Variants in TCF7L2 observed in about 807,000 individuals in gnomAD.
The protein encoded by TCF7L2 is transcription factor 7-like 2.
TCF7L2 carries 23 observed loss-of-function variants against 77.9 expected under a neutral mutation model. That is an observed-to-expected ratio of 0.30 (90% CI 0.21 to 0.42). TCF7L2 has a LOEUF of 0.42. Ranked by LOEUF, TCF7L2 falls within the 10% of genes least tolerant of loss-of-function variation. The probability of loss-of-function intolerance (pLI) is 1.00; values close to 1 mark genes in which losing one functional copy is unlikely to be tolerated. For missense variants in TCF7L2, 654 were observed against 793.1 expected, an observed-to-expected ratio of 0.82 and a Z score of 2.11; for synonymous variants, 413 against 340.2, an observed-to-expected ratio of 1.21 and a Z score of -2.36.
chr10:113,116,740 T>C (rs1261151004), intron 5 of TCF7L2, among the ~76,000 whole-genome samples: 1 of 142,360 alleles, frequency 7.0e-6, no homozygotes, highest in East Asian at 2.2e-4. Context: ...CCATAGATAA[T>C]CTAGGTAAAT....
chr10:112,994,054 C>CAAA (rs762753537), intron 4 of TCF7L2, among the ~76,000 whole-genome samples: 21 of 111,688 alleles, frequency 1.9e-4, no homozygotes, highest in African/African-American at 5.7e-4. Flanking sequence ...GACTCTGTCT[C>CAAA]AAAAAAAAAA....
chr10:112,951,339 C>T, intron 2 of TCF7L2, 66 bp downstream of exon 2: 8 of 982,488 alleles, frequency 8.1e-6, no homozygotes, highest in Admixed American at 6.4e-5. Context: ...CCCCGCGCGC[C>T]CCGGCCCCGC....
intron 5 of TCF7L2, among the ~76,000 whole-genome samples, chr10:113,074,604 C>CA (rs1164763049): frequency 1.3e-5 from 2 of 152,186 alleles, no homozygotes; most frequent in African/African-American, 4.8e-5. Flanking sequence ...CACACATTGA[C>CA]ACCAGCACCA....
rs115374640 is a variant in TCF7L2, at chr10:113,061,324, A to G, written c.552+21198A>G. ...GCAGTTCTCTGTGCCTCGCTGGGAC[A>G]GAGTGTATTCTGAGGTCCAGCGTCT... On this transcript the variant is annotated intron_variant, in intron 5 of 13. Coordinates refer to ENST00000627217, the MANE Select transcript of TCF7L2 (RefSeq NM_001146274.2). 8.2e-3 allele frequency among the ~76,000 whole-genome samples: 1,249 copies of G among 152,310 alleles called. 21 individuals are homozygous for G. Among genetic ancestry groups the G allele is most frequent in the African/African-American group, 0.029 (1,195 of 41,566 alleles).
chr10:113,103,497 G>C lies in TCF7L2; in HGVS notation c.553-37687G>C, dbSNP rs140359897. 8.5e-4 allele frequency among the ~76,000 whole-genome samples: 130 copies of C among 152,284 alleles called. 1 individual carries two copies. Among genetic ancestry groups the C allele is most frequent in the African/African-American group, 2.8e-3 (117 of 41,560 alleles). On this transcript the variant is annotated intron_variant, in intron 5 of 13. Coordinates refer to ENST00000627217, the MANE Select transcript of TCF7L2 (RefSeq NM_001146274.2). The stretch of plus-strand genomic sequence containing the variant: ...GAAAGAAAAAAAAATAGGCCATTTG[G>C]TAGAATGATTAACAGGGGGCTTTAA...
At chr10:113,032,030 T>C (rs1185495477) in intron 4 of TCF7L2, among the ~76,000 whole-genome samples, 1 of 152,198 alleles carries the variant, frequency 6.6e-6, no homozygotes, top group African/African-American at 2.4e-5. Flanking sequence ...AATGAAGAAA[T>C]GAAGTGACAT....
At chr10:113,044,812 A>G (rs1425840893) in intron 5 of TCF7L2, among the ~76,000 whole-genome samples, 1 of 152,182 alleles carries the variant, frequency 6.6e-6, no homozygotes, top group African/African-American at 2.4e-5. Context: ...GAGGCAGGAA[A>G]TCAGGTAGGA....
At chr10:113,051,242 C>G (rs1458103732) in intron 5 of TCF7L2, among the ~76,000 whole-genome samples, 34 of 148,576 alleles carry the variant, frequency 2.3e-4, no homozygotes, top group African/African-American at 8.6e-4. Flanking sequence ...CACACACACA[C>G]AGACACATAC....
intron 5 of TCF7L2, among the ~76,000 whole-genome samples, chr10:113,099,707 C>A (rs769762763): frequency 6.6e-6 from 1 of 152,182 alleles, no homozygotes. Flanking sequence ...TTCTGCCGTG[C>A]GTTTTGCTGG....
chr10:113,086,189 C>G (rs912394079), intron 5 of TCF7L2, among the ~76,000 whole-genome samples: 1 of 152,206 alleles, frequency 6.6e-6, no homozygotes, highest in Non-Finnish European at 1.5e-5. Flanking sequence ...CCCACATCCT[C>G]CCTTGATTCG....
intron 5 of TCF7L2, among the ~76,000 whole-genome samples, chr10:113,043,780 T>C (rs2052918622): frequency 6.6e-6 from 1 of 152,128 alleles, no homozygotes; most frequent in South Asian, 2.1e-4. Flanking sequence ...TTTGCTCCCT[T>C]TTTTCCTCTT....
intron 5 of TCF7L2, among the ~76,000 whole-genome samples, chr10:113,061,683 G>A (rs1392631081): frequency 6.6e-6 from 1 of 152,188 alleles, no homozygotes; most frequent in East Asian, 1.9e-4. Flanking sequence ...TGAATTAAGT[G>A]CCTGCTTTTT....
At chr10:113,027,799 C>G (rs2049462103) in intron 4 of TCF7L2, among the ~76,000 whole-genome samples, 1 of 152,100 alleles carries the variant, frequency 6.6e-6, no homozygotes, top group Non-Finnish European at 1.5e-5. Flanking sequence ...CCTATTCAAC[C>G]CAGCCCCACA....
chr10:113,066,161 G>C (rs928196988), intron 5 of TCF7L2, among the ~76,000 whole-genome samples: 2 of 152,088 alleles, frequency 1.3e-5, no homozygotes, highest in Non-Finnish European at 2.9e-5. Context: ...TCAGGAGTAC[G>C]AGACCAGCCT....
chr10:112,973,846 T>TC (rs1303507483), intron 4 of TCF7L2, among the ~76,000 whole-genome samples: 1 of 152,180 alleles, frequency 6.6e-6, no homozygotes, highest in Non-Finnish European at 1.5e-5. Context: ...CGCCTTGGCC[T>TC]CCCAAAGTAC....
intron 5 of TCF7L2, chr10:113,127,108 C>G (rs2065774035): frequency 5.4e-6 from 1 of 186,912 alleles, no homozygotes; most frequent in Admixed American, 6.5e-5. Context: ...CTCTTTAAAA[C>G]AAAACAAAAC....
At chr10:112,957,789 T>A (rs1024766558) in intron 3 of TCF7L2, among the ~76,000 whole-genome samples, 19 of 152,146 alleles carry the variant, frequency 1.2e-4, no homozygotes, top group African/African-American at 4.3e-4. Context: ...GCATTATCTG[T>A]GGTGGAGACT....
chr10:113,163,487 A>G (rs970132788), intron 13 of TCF7L2, among the ~76,000 whole-genome samples: 2 of 151,542 alleles, frequency 1.3e-5, no homozygotes, highest in Non-Finnish European at 2.9e-5. Flanking sequence ...AGTTTTGCTT[A>G]TGCCCTCCCC....
intron 4 of TCF7L2, among the ~76,000 whole-genome samples, chr10:113,027,411 AG>A (rs1047895331): frequency 3.3e-5 from 5 of 152,160 alleles, no homozygotes; most frequent in Admixed American, 3.3e-4. Flanking sequence ...CTCTCTCTCC[AG>A]GGAGAAAGTC....
Sources: gnomAD v4.1 joint callset for allele counts (sites outside exome capture counted in the v4.1 genomes callset) on GRCh38, gnomAD v4.1.1 for gene constraint, MANE v1.5 for transcripts, NCBI Gene and HGNC (gene_info 2026-07-23, HGNC 2026-07-21) for gene names.